The following AUTS2 variants were observed in gnomAD, a reference collection of about 807,000 sequenced individuals.
AUTS2 encodes activator of transcription and developmental regulator AUTS2, also known as autism susceptibility gene 2 protein.
In AUTS2, 17 loss-of-function variants were observed where a neutral mutation model predicts 112.4. The ratio of observed to expected loss-of-function variants is 0.15; its 90% CI spans 0.10 to 0.23. AUTS2 has a LOEUF of 0.23. Among genes scored for constraint, AUTS2 ranks in the 10% least tolerant of loss-of-function variants. The pLI is 1.00. For missense variants in AUTS2, 1,510 were observed against 1,701.6 expected (o/e 0.89, Z 1.98); for synonymous variants, 751 against 702.7 (o/e 1.07, Z -1.09).
At chr7:70,734,575 G>A (rs947183280) in intron 6 of AUTS2, among the ~76,000 whole-genome samples, 1 of 152,168 alleles carries the variant, frequency 6.6e-6, no homozygotes, top group Non-Finnish European at 1.5e-5. Context: ...GCGTGCTTGT[G>A]GGGGCTGGCA....
At chr7:70,314,163 T>C (rs12698896) in intron 4 of AUTS2, among the ~76,000 whole-genome samples, 51,391 of 152,072 alleles carry the variant, frequency 0.34, 10,022 homozygotes, top group African/African-American at 0.54. Flanking sequence ...TCCGTGCATG[T>C]TGTCTCTCTC....
chr7:70,600,905 A>T (rs922536784), intron 5 of AUTS2, among the ~76,000 whole-genome samples: 1 of 152,134 alleles, frequency 6.6e-6, no homozygotes, highest in African/African-American at 2.4e-5. Context: ...ACAGTACCAC[A>T]TTTTGTTTCT....
At chr7:69,888,763 G>A (rs1008911567) in intron 1 of AUTS2, among the ~76,000 whole-genome samples, 8 of 151,234 alleles carry the variant, frequency 5.3e-5, no homozygotes, top group African/African-American at 1.7e-4. Context: ...TAGTAGAGAC[G>A]GGGTTTTACC....
intron 2 of AUTS2, among the ~76,000 whole-genome samples, chr7:70,105,146 C>T (rs1457007362): frequency 2.0e-5 from 3 of 152,104 alleles, no homozygotes; most frequent in Non-Finnish European, 4.4e-5. Flanking sequence ...TGTGATCTGG[C>T]ACAGATTAGT....
intron 2 of AUTS2, among the ~76,000 whole-genome samples, chr7:69,914,110 T>C (rs1231074289): frequency 1.3e-5 from 2 of 152,190 alleles, no homozygotes; most frequent in African/African-American, 2.4e-5. Context: ...GATTTTTCTT[T>C]CTATGTCCTT....
intron 4 of AUTS2, chr7:70,316,939 C>G (rs1290034971): frequency 6.6e-6 from 1 of 152,094 alleles, no homozygotes; most frequent in Non-Finnish European, 1.5e-5. Flanking sequence ...CAACCCCAAC[C>G]CTCCGTACCG....
intron 5 of AUTS2, among the ~76,000 whole-genome samples, chr7:70,499,779 G>T (rs929977400): frequency 2.6e-5 from 4 of 152,232 alleles, no homozygotes; most frequent in African/African-American, 7.2e-5. Context: ...AGAAGCTTTG[G>T]TGTAGAATTG....
chr7:70,786,845 G>C (rs1791528798), intron 17 of AUTS2: 1 of 356,950 alleles, frequency 2.8e-6, no homozygotes, highest in Non-Finnish European at 5.3e-6. Flanking sequence ...AATCAATTTA[G>C]AATTGTTAAT....
chr7:70,430,559 T>C (rs1307697004), intron 4 of AUTS2, among the ~76,000 whole-genome samples: 1 of 152,106 alleles, frequency 6.6e-6, no homozygotes, highest in African/African-American at 2.4e-5. Context: ...ATATACATGG[T>C]AGAAAGGACC....
At chr7:70,657,614 T>C (rs1039849558) in intron 5 of AUTS2, among the ~76,000 whole-genome samples, 1 of 152,176 alleles carries the variant, frequency 6.6e-6, no homozygotes, top group Non-Finnish European at 1.5e-5. Flanking sequence ...TGTGGAGCCA[T>C]CTCTGGAATA....
intron 10 of AUTS2, 27 bp downstream of exon 10, chr7:70,768,095 T>G: frequency 6.3e-7 from 1 of 1,580,802 alleles, no homozygotes; most frequent in Non-Finnish European, 8.6e-7. Context: ...TGCTACACAT[T>G]GAATGTAACT....
intron 5 of AUTS2, among the ~76,000 whole-genome samples, chr7:70,453,994 AGCAAAGATCTG>A (rs1796632709): frequency 1.3e-5 from 2 of 152,186 alleles, no homozygotes; most frequent in South Asian, 4.1e-4. Flanking sequence ...AGAAAGGAAA[AGCAAAGATCTG>A]GCAAAGAGGG....
intron 6 of AUTS2, among the ~76,000 whole-genome samples, chr7:70,701,127 A>C (rs1365745800): frequency 6.6e-6 from 1 of 152,238 alleles, no homozygotes; most frequent in Non-Finnish European, 1.5e-5. Flanking sequence ...TTCTGGCCTT[A>C]GAGGAGTGTG....
intron 2 of AUTS2, among the ~76,000 whole-genome samples, chr7:69,920,309 T>TA (rs1202491021): frequency 1.3e-5 from 2 of 151,958 alleles, no homozygotes; most frequent in Non-Finnish European, 2.9e-5. Context: ...TATTTTTTTT[T>TA]AGAGAGGGGG....
intron 1 of AUTS2, among the ~76,000 whole-genome samples, chr7:69,894,534 G>A (rs1050475190): frequency 6.6e-6 from 1 of 152,076 alleles, no homozygotes; most frequent in African/African-American, 2.4e-5. Flanking sequence ...GGCCGTTGTG[G>A]AAAAGTAACT....
intron 1 of AUTS2, among the ~76,000 whole-genome samples, chr7:69,828,382 G>C (rs573419671): frequency 1.3e-5 from 2 of 152,276 alleles, no homozygotes; most frequent in East Asian, 3.9e-4. Flanking sequence ...TCTTTGAACC[G>C]TGAGCCAGCG....
intron 2 of AUTS2, among the ~76,000 whole-genome samples, chr7:70,073,933 T>C (rs964842470): frequency 6.6e-6 from 1 of 152,208 alleles, no homozygotes; most frequent in African/African-American, 2.4e-5. Context: ...CCACTTTGAA[T>C]TAAAATACTT....
At chr7:69,723,533 C>T (rs994914750) in intron 1 of AUTS2, among the ~76,000 whole-genome samples, 2 of 152,096 alleles carry the variant, frequency 1.3e-5, no homozygotes, top group Non-Finnish European at 2.9e-5. Flanking sequence ...CAGGAAGATA[C>T]TGTATCTTCC....
chr7:69,876,345 AAAAAATATATATATAT>A (rs1793755037), intron 1 of AUTS2, among the ~76,000 whole-genome samples: 4 of 66,126 alleles, frequency 6.0e-5, no homozygotes, highest in African/African-American at 1.3e-4. Flanking sequence ...AAAAAAAAAA[AAAAAATATATATATAT>A]ATATATATAT....
Sources: allele counts gnomAD v4.1 joint callset (sites outside exome capture counted in the v4.1 genomes callset), GRCh38; gene constraint gnomAD v4.1.1; transcripts MANE v1.5; gene names NCBI Gene and HGNC (gene_info 2026-07-23, HGNC 2026-07-21).